The following CALN1 variants were observed in gnomAD, a reference collection of about 807,000 sequenced individuals.
CALN1 encodes the protein calcium-binding protein 8.
A neutral mutation model predicts 30.6 loss-of-function variants in CALN1; 17 were observed. That is an observed-to-expected ratio of 0.56 (90% confidence interval 0.38 to 0.83). CALN1 has a LOEUF of 0.83. CALN1 is among the 40% of genes least tolerant of loss of function. The pLI is 0.00. For synonymous variants in CALN1, 156 were observed against 131.4 expected (o/e 1.19, Z -1.28); for missense variants, 291 against 354.9 (o/e 0.82, Z 1.45).
intron 3 of CALN1, among the ~76,000 whole-genome samples, chr7:72,224,773 C>A (rs1585206845): frequency 6.7e-6 from 1 of 148,604 alleles, no homozygotes; most frequent in East Asian, 2.0e-4. Flanking sequence ...ACCGTGAGAC[C>A]CTGTCAAAAA....
At position 72,023,729 on chromosome 7, in the gene CALN1, A is replaced by C. The variant is rs1800868648; in HGVS notation, c.429T>G (p.Leu143=). 1 of 1,614,046 alleles carries C rather than the reference A, an allele frequency of 6.2e-7. No homozygotes were observed. Among genetic ancestry groups the C allele is most frequent in the Admixed American group, 1.7e-5 (1 of 60,010 alleles). ...CTTCTGAAGACACCAGTTTGGGGCC[A>C]AGAATGGTCATGAATTCATCAAAAT... ...QVDFDEFMTI[L]GPKLVSSEGR... is the part of the protein sequence containing the mutation. Residue 143 remains leucine, a synonymous_variant, in exon 5 of 7, where the codon CTT becomes CTG. Transcript: ENST00000395275.
intron 2 of CALN1, among the ~76,000 whole-genome samples, chr7:72,393,703 G>T (rs933423320): frequency 1.3e-5 from 2 of 151,674 alleles, no homozygotes; most frequent in African/African-American, 4.8e-5. Context: ...AAGGAATCAG[G>T]TGCCTAGGAG....
chr7:72,314,142 G>T (rs1337767759), intron 2 of CALN1, among the ~76,000 whole-genome samples: 1 of 152,106 alleles, frequency 6.6e-6, no homozygotes, highest in African/African-American at 2.4e-5. Context: ...GGGCAAGGAG[G>T]GGGAGCCAGT....
chr7:72,194,306 G>C (rs1790832876), intron 3 of CALN1, among the ~76,000 whole-genome samples: 1 of 152,132 alleles, frequency 6.6e-6, no homozygotes, highest in African/African-American at 2.4e-5. Context: ...GAGGCAGGTG[G>C]ATCATCTGAG....
intron 3 of CALN1, among the ~76,000 whole-genome samples, chr7:72,122,362 AAAGTGAAT>A (rs1016096963): frequency 2.0e-5 from 3 of 152,134 alleles, no homozygotes; most frequent in African/African-American, 7.2e-5. Context: ...AACTAGAGAA[AAAGTGAAT>A]GGAGAGAAGG....
At chr7:72,367,930 G>A (rs1803971330) in intron 2 of CALN1, among the ~76,000 whole-genome samples, 1 of 151,968 alleles carries the variant, frequency 6.6e-6, no homozygotes, top group Non-Finnish European at 1.5e-5. Context: ...CCAGGAGATT[G>A]AGACCATCCT....
In CALN1 at chr7:72,287,766, AAC is replaced by A. The variant is rs756684985; in HGVS notation, c.120-8958_120-8957del. Among the ~76,000 whole-genome samples the A allele has an allele frequency of 4.6e-5, 7 of 152,242 alleles. No homozygotes were observed. In the East Asian group the frequency reaches 7.7e-4, roughly 17 times the overall value. On this transcript the variant is annotated intron_variant, in intron 2 of 6. Coordinates refer to ENST00000395275, the MANE Select transcript of CALN1 (RefSeq NM_031468.4). ...CAGCCTAGTTAATTTTTAACTGCTC[AAC>A]AGTTTTCCATTGTATATAAATTACA... is the stretch of plus-strand genomic sequence containing the variant.
At chr7:72,459,377 G>A in the CALN1 span, among the ~76,000 whole-genome samples, 4 of 152,182 alleles carry the variant, frequency 2.6e-5, no homozygotes, top group Non-Finnish European at 5.9e-5. Flanking sequence ...ATTTGTTAGA[G>A]TAATACACAA....
intron 4 of CALN1, among the ~76,000 whole-genome samples, chr7:72,044,082 G>A (rs553896310): frequency 5.3e-4 from 80 of 149,706 alleles, no homozygotes; most frequent in African/African-American, 1.7e-3. Context: ...CCCACAACAC[G>A]CGGGAATTCA....
chr7:72,487,898 GAA>G, the CALN1 span, among the ~76,000 whole-genome samples: 5 of 60,170 alleles, frequency 8.3e-5, no homozygotes, highest in Non-Finnish European at 1.5e-4. Context: ...AGAAAAGAAA[GAA>G]AGAAAGAAAG....
At chr7:71,824,041 C>A (rs1286832582) in intron 5 of CALN1, among the ~76,000 whole-genome samples, 2 of 152,068 alleles carry the variant, frequency 1.3e-5, no homozygotes, top group African/African-American at 4.8e-5. Context: ...GTGGGAGCTA[C>A]AATTCAAGAT....
At chr7:72,496,809 G>A in the CALN1 span, among the ~76,000 whole-genome samples, 1 of 152,206 alleles carries the variant, frequency 6.6e-6, no homozygotes, top group East Asian at 1.9e-4. Flanking sequence ...AGCCCAGGAA[G>A]TTGAGGCTGC....
chr7:71,975,735 TTTA>T (rs932028497), intron 5 of CALN1, among the ~76,000 whole-genome samples: 3 of 151,540 alleles, frequency 2.0e-5, no homozygotes, highest in African/African-American at 4.9e-5. Context: ...CGGCCTCTTT[TTTA>T]TTTAGTTTTT....
intron 2 of CALN1, among the ~76,000 whole-genome samples, chr7:72,323,713 G>GA (rs1585487049): frequency 1.3e-5 from 2 of 151,328 alleles, no homozygotes; most frequent in Admixed American, 6.6e-5. Flanking sequence ...GAAAAAAAGG[G>GA]AAAAAAGAGT....
chr7:72,231,206 T>G (rs944783927), intron 3 of CALN1, among the ~76,000 whole-genome samples: 3 of 152,066 alleles, frequency 2.0e-5, no homozygotes, highest in African/African-American at 7.2e-5. Flanking sequence ...CCATGGTGGT[T>G]TGCTGCATCT....
chr7:72,085,320 T>A (rs534219843), intron 4 of CALN1, among the ~76,000 whole-genome samples: 14 of 152,236 alleles, frequency 9.2e-5, no homozygotes, highest in Admixed American at 3.9e-4. Context: ...ACAAATTTTT[T>A]AAAAATATTT....
At chr7:71,924,220 G>GGATTTCAGATCTTTTTAAAAAA (rs1795138593) in intron 5 of CALN1, among the ~76,000 whole-genome samples, 5 of 141,012 alleles carry the variant, frequency 3.5e-5, no homozygotes, top group Non-Finnish European at 6.1e-5. Context: ...AAAAAGATTA[G>GGATTTCAGATCTTTTTAAAAAA]GATTAGGATT....
chr7:71,947,985 G>T (rs1452006579), intron 5 of CALN1, among the ~76,000 whole-genome samples: 2 of 151,500 alleles, frequency 1.3e-5, no homozygotes, highest in African/African-American at 4.9e-5. Context: ...CTCTTTTCCA[G>T]GGAGGCAGGT....
intron 6 of CALN1, among the ~76,000 whole-genome samples, chr7:71,809,896 G>C (rs1314863370): frequency 5.9e-5 from 9 of 151,708 alleles, no homozygotes; most frequent in African/African-American, 9.7e-5. Flanking sequence ...CTGCGAAGTA[G>C]GTGTAATCAT....
Sources: gnomAD v4.1 joint callset for allele counts (sites outside exome capture counted in the v4.1 genomes callset) on GRCh38, gnomAD v4.1.1 for gene constraint, MANE v1.5 for transcripts, NCBI Gene and HGNC (gene_info 2026-07-23, HGNC 2026-07-21) for gene names.